PCNP: variants seen among roughly 807,000 people sequenced by gnomAD.
PCNP encodes the protein PEST proteolytic signal containing nuclear protein.
A neutral mutation model predicts 21.8 loss-of-function variants in PCNP; 6 were observed. The ratio of observed to expected loss-of-function variants is 0.28; its 90% CI spans 0.15 to 0.54. The LOEUF (loss-of-function observed/expected upper bound fraction) is 0.54, where lower values mean the gene tolerates loss of function less well. PCNP is among the 20% of genes least tolerant of loss of function. The pLI is 0.95. For missense variants in PCNP, 161 were observed against 215.5 expected (o/e 0.75, Z 1.58); for synonymous variants, 67 against 73.2 (o/e 0.92, Z 0.43).
At chr3:101,585,230 G>A (rs546615878) in intron 2 of PCNP, among the ~76,000 whole-genome samples, 2 of 152,318 alleles carry the variant, frequency 1.3e-5, no homozygotes, top group South Asian at 4.1e-4. Context: ...ACAAATGGAT[G>A]CCACAAGTTA....
chr3:101,574,654 T>C (rs1456810474), intron 1 of PCNP, among the ~76,000 whole-genome samples: 1 of 152,074 alleles, frequency 6.6e-6, no homozygotes, highest in Non-Finnish European at 1.5e-5. Flanking sequence ...CCGGAGACGC[T>C]CATGAGACAT....
chr3:101,584,497 G>A (rs909336372), intron 2 of PCNP, among the ~76,000 whole-genome samples: 1 of 152,198 alleles, frequency 6.6e-6, no homozygotes, highest in African/African-American at 2.4e-5. Flanking sequence ...AAAGGTGGGA[G>A]AATTGGGAGA....
chr3:101,585,326 A>C lies in PCNP; in HGVS notation c.280-111A>C, dbSNP rs1286554450. ...AAAGTATTGGGTTCGTTACTATACA[A>C]ATTTCTGTGGAAATATAGTTAAATC... On this transcript the variant is annotated intron_variant, in intron 2 of 4. Coordinates refer to ENST00000265260, the MANE Select transcript of PCNP (RefSeq NM_020357.3). 11 of 671,346 alleles carry C rather than the reference A, an allele frequency of 1.6e-5. No homozygotes were observed. The African/African-American group carries it at 1.9e-4, about 11-fold the overall frequency. The allele number at this position is 671,346 out of a possible 1,614,324, so 41.6% of individuals were successfully genotyped here.
intron 2 of PCNP, among the ~76,000 whole-genome samples, chr3:101,582,854 A>G (rs1341115192): frequency 6.6e-6 from 1 of 152,264 alleles, no homozygotes; most frequent in African/African-American, 2.4e-5. Flanking sequence ...ACATTGAGAA[A>G]ATCATTAATA....
chr3:101,589,821 G>T (rs902707349), intron 3 of PCNP: 1 of 200,110 alleles, frequency 5.0e-6, no homozygotes, highest in African/African-American at 2.4e-5. Flanking sequence ...CTATTCATTT[G>T]CTTTGTTTCC....
chr3:101,574,128 C>G, upstream of PCNP: 1 of 1,504,192 alleles, frequency 6.6e-7, no homozygotes, highest in Non-Finnish European at 8.9e-7. Context: ...AGGCTGCCAC[C>G]ACGCCGGCTG....
intron 3 of PCNP, chr3:101,589,981 A>G: frequency 4.3e-6 from 2 of 465,778 alleles, no homozygotes; most frequent in Non-Finnish European, 7.7e-6. Flanking sequence ...TTTTAGTTCT[A>G]GAATGTTTGT....
chr3:101,586,620 A>AGT (rs1026522701), intron 3 of PCNP, among the ~76,000 whole-genome samples: 7 of 124,490 alleles, frequency 5.6e-5, no homozygotes, highest in East Asian at 5.9e-4. Context: ...AGAGAGAGAG[A>AGT]GTGTGTCTTG....
At position 101,574,262 on chromosome 3, in the gene PCNP, G is replaced by T. The variant is rs1934733524; in HGVS notation, c.47G>T (p.Arg16Leu). The change falls in exon 1 of 5, where the codon CGA becomes CTA. Residue 16 changes from arginine to leucine, a missense_variant. This residue lies in a region of PCNP where 43 missense variants were observed against 26.6 expected (regional missense o/e 1.62). Transcript: ENST00000265260. ...AGDEKPEKSQ[R>L]AGAAGGPEEE... ...GACGAGAAGCCTGAAAAGTCGCAGC[G>T]AGCTGGAGCCGCCGGAGGTGAACAC... The T allele has an allele frequency of 6.5e-7, 1 of 1,546,978 alleles. No individual in the cohort carries two copies. The highest frequency in any genetic ancestry group is 8.7e-7 in the Non-Finnish European group (1 of 1,144,556).
chr3:101,576,483 A>G (rs1934897997), intron 1 of PCNP: 3 of 1,572,000 alleles, frequency 1.9e-6, no homozygotes, highest in Non-Finnish European at 1.7e-6. Context: ...GACAAGGCCT[A>G]CAGACTTATT....
chr3:101,581,414 T>G (rs1935213050), intron 2 of PCNP, among the ~76,000 whole-genome samples: 1 of 151,544 alleles, frequency 6.6e-6, no homozygotes, highest in African/African-American at 2.4e-5. Flanking sequence ...TTTTTTTAAT[T>G]TATTTATTTA....
chr3:101,583,797 A>G (rs1360519809), intron 2 of PCNP, among the ~76,000 whole-genome samples: 1 of 148,670 alleles, frequency 6.7e-6, no homozygotes, highest in African/African-American at 2.5e-5. Context: ...ACAGGTGTGC[A>G]TCACCACCAT....
At chr3:101,585,961 A>C (rs970820992) in intron 3 of PCNP, among the ~76,000 whole-genome samples, 6 of 152,106 alleles carry the variant, frequency 3.9e-5, no homozygotes, top group African/African-American at 1.2e-4. Flanking sequence ...ACTTGAGGTC[A>C]GCGGTTCAAG....
Position 101,574,224 on chromosome 3 carries a change from C to T in PCNP, c.9C>T (p.Asp3=). The change falls in exon 1 of 5, where the codon GAC becomes GAT. Residue 3 remains aspartate (D), a synonymous_variant. Transcript: ENST00000265260. ...AGGCCGCGGCGGGGAAAATGGCGGA[C>T]GGGAAGGCGGGAGACGAGAAGCCTG... MA[D]GKAGDEKPEK... The T allele has an allele frequency of 7.7e-6, 12 of 1,548,986 alleles. No homozygotes were observed. Among genetic ancestry groups the T allele is most frequent in the Non-Finnish European group, 1.0e-5 (12 of 1,145,600 alleles).
Position 101,574,249 on chromosome 3 carries a change from G to C in PCNP, c.34G>C (p.Glu12Gln), listed in dbSNP as rs1471734317. The change falls in exon 1 of 5, where the codon GAA (glutamate) becomes CAA (glutamine). Residue 12 changes from glutamate to glutamine, a missense_variant. Physicochemically the swap from Glu to Gln is conservative, Grantham distance 29. This residue lies in a region of PCNP where 43 missense variants were observed against 26.6 expected (regional missense o/e 1.62). Transcript: ENST00000265260. Reference protein sequence around the residue: ...ADGKAGDEKPEKSQRAGAAGG... With the variant: ...ADGKAGDEKPQKSQRAGAAGG... ...CGGGAAGGCGGGAGACGAGAAGCCT[G>C]AAAAGTCGCAGCGAGCTGGAGCCGC... 8 of 1,549,422 alleles carry C rather than the reference G, an allele frequency of 5.2e-6. No homozygotes were observed. Among genetic ancestry groups the C allele is most frequent in the Non-Finnish European group, 7.0e-6 (8 of 1,145,808 alleles).
At position 101,594,213 on chromosome 3, in the gene PCNP, C is replaced by CT. The variant is rs1935949544; in HGVS notation, c.*1462dup. 1 of 152,550 alleles carries CT rather than the reference C, an allele frequency of 6.6e-6. No individual in the cohort carries two copies. The highest frequency in any genetic ancestry group is 2.1e-4 in the South Asian group (1 of 4,824). The allele number at this position is 152,550 out of a possible 1,614,324, so 9.4% of individuals were successfully genotyped here. A position where few individuals can be genotyped will look rare whatever the true frequency, so the allele number is the denominator to read the frequency against. ...AGACAATGGAAATGTATATAGAACT[C>CT]TTAGTTCTTACATGATTTAATTATA... On this transcript the variant is annotated 3_prime_UTR_variant, in exon 5 of 5. Transcript: ENST00000265260.
chr3:101,593,281 A>G lies in PCNP; in HGVS notation c.*528A>G, dbSNP rs1231382425. The G allele has an allele frequency of 6.6e-6, 1 of 152,634 alleles. No homozygotes were observed. The highest frequency in any genetic ancestry group is 1.9e-4 in the East Asian group (1 of 5,194). The allele number at this position is 152,634 out of a possible 1,614,324, so 9.5% of individuals were successfully genotyped here. A position where few individuals can be genotyped will look rare whatever the true frequency, so the allele number is the denominator to read the frequency against. ...GGCATTTGTTTTGTTTCAAGTCATC[A>G]TAAACTAGGTATTGCATTGCTATCC... is the stretch of plus-strand genomic sequence containing the variant. On this transcript the variant is annotated 3_prime_UTR_variant, in exon 5 of 5. Coordinates refer to ENST00000265260, the MANE Select transcript of PCNP (RefSeq NM_020357.3).
At chr3:101,585,343 A>G in intron 2 of PCNP, 94 bp from the exon 3 acceptor site, 1 of 733,942 alleles carries the variant, frequency 1.4e-6, no homozygotes, top group South Asian at 1.8e-5. Flanking sequence ...GTGGAAATAT[A>G]GTTAAATCAT....
chr3:101,581,515 C>T (rs553663135), intron 2 of PCNP, among the ~76,000 whole-genome samples: 118 of 152,186 alleles, frequency 7.8e-4, no homozygotes, highest in African/African-American at 2.8e-3. Flanking sequence ...CTCACTGCAA[C>T]CTCTGCCTCC....
Sources: allele counts gnomAD v4.1 joint callset (sites outside exome capture counted in the v4.1 genomes callset), GRCh38; gene constraint gnomAD v4.1.1; regional missense constraint gnomAD v4.1.1; transcripts MANE v1.5; gene names NCBI Gene and HGNC (gene_info 2026-07-23, HGNC 2026-07-21).